IRAK3: variants seen among roughly 807,000 people sequenced by gnomAD.
IRAK3 encodes interleukin 1 receptor associated kinase 3.
IRAK3 carries 57 observed loss-of-function variants against 56.6 expected under a neutral mutation model. That is an observed-to-expected ratio of 1.01 (90% CI 0.81 to 1.26). The LOEUF (loss-of-function observed/expected upper bound fraction) is 1.26. Among genes scored for constraint, IRAK3 ranks in the 50% most tolerant of loss-of-function variants. The pLI is 0.00. For missense variants in IRAK3, 703 were observed against 719.0 expected (o/e 0.98, Z 0.25); for synonymous variants, 258 against 255.7 (o/e 1.01, Z -0.09).
chr12:66,244,472 G>C lies in IRAK3; in HGVS notation c.888-14G>C, dbSNP rs1317810914. ...ATGATATTTTGTCTTGTTTGTCCCT[G>C]ATCACAATTTTAGTGCAAACATCCT... On this transcript the variant is annotated splice_polypyrimidine_tract_variant and intron_variant, in intron 8 of 11. Coordinates refer to ENST00000261233, the MANE Select transcript of IRAK3 (RefSeq NM_007199.3). 1.9e-6 allele frequency: 3 copies of C among 1,608,942 alleles called. No homozygotes were observed. The highest frequency in any genetic ancestry group is 2.7e-5 in the African/African-American group (2 of 74,764).
intron 8 of IRAK3, among the ~76,000 whole-genome samples, chr12:66,235,635 G>C (rs189670951): frequency 3.2e-4 from 48 of 152,042 alleles, no homozygotes; most frequent in African/African-American, 1.1e-3. Flanking sequence ...ATATTATTAA[G>C]TTATGTTTTT....
chr12:66,204,819 CAA>C (rs1491302675), intron 2 of IRAK3, among the ~76,000 whole-genome samples: 8 of 144,494 alleles, frequency 5.5e-5, no homozygotes, highest in Middle Eastern at 7.0e-3. Flanking sequence ...CACACACACA[CAA>C]GGAATCCTGA....
intron 2 of IRAK3, among the ~76,000 whole-genome samples, chr12:66,205,570 C>A (rs943336792): frequency 6.6e-6 from 1 of 152,152 alleles, no homozygotes; most frequent in Non-Finnish European, 1.5e-5. Flanking sequence ...GCTCAACAGG[C>A]GTTTCCTATC....
At chr12:66,204,317 T>C (rs1433240689) in intron 2 of IRAK3, among the ~76,000 whole-genome samples, 6 of 152,176 alleles carry the variant, frequency 3.9e-5, no homozygotes, top group Admixed American at 2.0e-4. Flanking sequence ...AATTGTATTT[T>C]CCCCCATATT....
chr12:66,234,397 G>T (rs1381219810), intron 8 of IRAK3: 6 of 1,611,284 alleles, frequency 3.7e-6, no homozygotes, highest in Non-Finnish European at 4.2e-6. Context: ...TTTGCACCTG[G>T]TAGGCAGATA....
intron 5 of IRAK3, 25 bp from the exon 6 acceptor site, chr12:66,217,146 T>C: frequency 6.6e-7 from 1 of 1,524,334 alleles, no homozygotes; most frequent in Non-Finnish European, 9.1e-7. Flanking sequence ...TCCTTAATTT[T>C]GTTCTTGTCT....
chr12:66,211,668 A>AT (rs2052613760), intron 5 of IRAK3, 71 bp downstream of exon 5: 2 of 1,305,654 alleles, frequency 1.5e-6, no homozygotes, highest in Non-Finnish European at 2.2e-6. Flanking sequence ...AAAATATGTC[A>AT]TTTTTCATCA....
At chr12:66,220,766 C>T (rs1047337223) in intron 6 of IRAK3, among the ~76,000 whole-genome samples, 10 of 151,972 alleles carry the variant, frequency 6.6e-5, no homozygotes, top group Middle Eastern at 3.4e-3. Context: ...GTGATCCGCC[C>T]GCCTCGGCCT....
intron 2 of IRAK3, 34 bp from the exon 3 acceptor site, chr12:66,209,422 T>G (rs531552221): frequency 7.2e-7 from 1 of 1,391,648 alleles, no homozygotes; most frequent in Admixed American, 1.7e-5. Context: ...ACATAAAATT[T>G]TTTTGTATCT....
At position 66,250,879 on chromosome 12, in the gene IRAK3, T is replaced by G. The variant is rs2136958114; in HGVS notation, c.*2708T>G. 1 of 152,300 alleles carries G rather than the reference T, an allele frequency of 6.6e-6. No homozygotes were observed. The highest frequency in any genetic ancestry group is 2.4e-5 in the African/African-American group (1 of 41,564). The allele number at this position is 152,300 out of a possible 1,614,324, so 9.4% of individuals were successfully genotyped here. A position where few individuals can be genotyped will look rare whatever the true frequency, so the allele number is the denominator to read the frequency against. ...ATAGGTCTGGGGTTAGAAATTTTGC[T>G]TTCTAATGAGTTCCCAGGTGATGCT... is the stretch of plus-strand genomic sequence containing the variant. On this transcript the variant is annotated 3_prime_UTR_variant, in exon 12 of 12. Coordinates refer to ENST00000261233, the MANE Select transcript of IRAK3 (RefSeq NM_007199.3).
chr12:66,248,858 T>G lies in IRAK3; in HGVS notation c.*687T>G, dbSNP rs1438831249. ...AACAGACTTAGTGACCTATTATATC[T>G]TAAGGAGACTATGTGAAATGTCCAT... On this transcript the variant is annotated 3_prime_UTR_variant, in exon 12 of 12. Coordinates refer to ENST00000261233, the MANE Select transcript of IRAK3 (RefSeq NM_007199.3). 1 of 152,218 alleles carries G rather than the reference T, an allele frequency of 6.6e-6. No homozygotes were observed. Among genetic ancestry groups the G allele is most frequent in the Non-Finnish European group, 1.5e-5 (1 of 68,062 alleles). 9.4% of individuals were successfully genotyped at this position (152,218 alleles called of 1,614,324 possible). A position where few individuals can be genotyped will look rare whatever the true frequency, so the allele number is the denominator to read the frequency against.
intron 6 of IRAK3, among the ~76,000 whole-genome samples, chr12:66,221,767 T>A (rs2052736070): frequency 6.6e-6 from 1 of 152,162 alleles, no homozygotes; most frequent in Admixed American, 6.6e-5. Context: ...CAGGGGCACA[T>A]GCCTGTAATC....
At chr12:66,220,622 G>A (rs1316091284) in intron 6 of IRAK3, among the ~76,000 whole-genome samples, 8 of 138,424 alleles carry the variant, frequency 5.8e-5, no homozygotes, top group South Asian at 2.3e-4. Context: ...CCGGGTTCAC[G>A]CCATTCTCCT....
At chr12:66,210,273 G>T in intron 4 of IRAK3, 72 bp downstream of exon 4, 1 of 834,140 alleles carries the variant, frequency 1.2e-6, no homozygotes, top group Non-Finnish European at 2.1e-6. Context: ...TTAAGAGGGA[G>T]AAATACCCAA....
chr12:66,217,262 T>C, intron 6 of IRAK3, 27 bp downstream of exon 6: 2 of 1,509,432 alleles, frequency 1.3e-6, no homozygotes, highest in South Asian at 2.2e-5. Flanking sequence ...TGGAATTTCC[T>C]CCTCTTTGTG....
intron 1 of IRAK3, among the ~76,000 whole-genome samples, chr12:66,190,389 A>G (rs1040444344): frequency 1.1e-5 from 1 of 87,398 alleles, no homozygotes; most frequent in African/African-American, 3.5e-5. Context: ...GCCCTTAAGA[A>G]AAAAAAAAAA....
chr12:66,234,648 T>C, intron 8 of IRAK3: 2 of 1,611,536 alleles, frequency 1.2e-6, no homozygotes, highest in South Asian at 1.1e-5. Flanking sequence ...AAAGGTTCTG[T>C]GGGGGCAGAA....
chr12:66,233,999 G>T (rs1392662602), intron 8 of IRAK3: 53 of 1,519,164 alleles, frequency 3.5e-5, no homozygotes, highest in Non-Finnish European at 4.7e-5. Context: ...AAGCACAATT[G>T]ATCAGAAAAA....
intron 5 of IRAK3, among the ~76,000 whole-genome samples, chr12:66,213,264 CA>C (rs2052631432): frequency 1.3e-5 from 2 of 152,036 alleles, no homozygotes; most frequent in African/African-American, 2.4e-5. Context: ...GACCCACCCC[CA>C]TGATTCAATT....
Sources: allele counts gnomAD v4.1 joint callset (sites outside exome capture counted in the v4.1 genomes callset), GRCh38; gene constraint gnomAD v4.1.1; transcripts MANE v1.5; gene names NCBI Gene and HGNC (gene_info 2026-07-23, HGNC 2026-07-21).